INIP: variants seen among roughly 807,000 people sequenced by gnomAD.
INIP encodes the protein INTS3 and NABP interacting protein.
INIP carries 9 observed loss-of-function variants against 14.0 expected under a neutral mutation model. That is an observed-to-expected ratio of 0.64 (90% CI 0.39 to 1.12). The LOEUF is 1.12. INIP is among the 50% of genes most tolerant of loss of function. INIP has a pLI of 0.01. For synonymous variants in INIP, 37 were observed against 41.5 expected (o/e 0.89, Z 0.41); for missense variants, 78 against 122.7 (o/e 0.64, Z 1.72).
Position 112,686,520 on chromosome 9 carries a change from A to G in INIP, c.*1018T>C, listed in dbSNP as rs966071365. The G allele has an allele frequency of 6.6e-6, 1 of 152,126 alleles. No individual in the cohort carries two copies. Among genetic ancestry groups the G allele is most frequent in the Non-Finnish European group, 1.5e-5 (1 of 68,042 alleles). 9.4% of individuals were successfully genotyped at this position (152,126 alleles called of 1,614,324 possible). On this transcript the variant is annotated 3_prime_UTR_variant, in exon 5 of 5. Coordinates refer to ENST00000374242, the MANE Select transcript of INIP (RefSeq NM_021218.3). ...TTTTCTTTTTCTTTTTTTCTTTGAG[A>G]CAAAGACTCACTGTCACCCAGGCTG...
At chr9:112,698,090 G>A (rs1838155421) in intron 2 of INIP, among the ~76,000 whole-genome samples, 1 of 151,904 alleles carries the variant, frequency 6.6e-6, no homozygotes, top group African/African-American at 2.4e-5. Flanking sequence ...GGCTCATGAG[G>A]TCAGGAGATT....
In INIP at chr9:112,686,599, C is replaced by T. The variant is rs786967; in HGVS notation, c.*939G>A. 0.12 allele frequency: 17,666 copies of T among 152,318 alleles called. 1,466 individuals are homozygous for T. The highest frequency in any genetic ancestry group is 0.22 in the African/African-American group (9,216 of 41,496). 9.4% of individuals were successfully genotyped at this position (152,318 alleles called of 1,614,324 possible). A position where few individuals can be genotyped will look rare whatever the true frequency, so the allele number is the denominator to read the frequency against. ...GCAACCCCTGCCTCCCAGGTTCAAG[C>T]GATTCTCCTGCCTCAGCCTCCTGAG... On this transcript the variant is annotated 3_prime_UTR_variant, in exon 5 of 5. Coordinates refer to ENST00000374242, the MANE Select transcript of INIP (RefSeq NM_021218.3).
At chr9:112,716,391 T>G in intron 2 of INIP, 70 bp downstream of exon 2, 1 of 1,445,814 alleles carries the variant, frequency 6.9e-7, no homozygotes, top group Non-Finnish European at 9.7e-7. Context: ...TATGCTAAAT[T>G]TTCTCTTATT....
At chr9:112,700,446 A>G (rs1838249662) in intron 2 of INIP, among the ~76,000 whole-genome samples, 1 of 151,018 alleles carries the variant, frequency 6.6e-6, no homozygotes, top group South Asian at 2.1e-4. Flanking sequence ...TTCAACCACT[A>G]CCCAAGCAAC....
intron 1 of INIP, among the ~76,000 whole-genome samples, chr9:112,717,159 T>C (rs185987407): frequency 3.3e-5 from 5 of 152,292 alleles, no homozygotes; most frequent in Admixed American, 3.3e-4. Context: ...AACCAATTGA[T>C]AGAGTCAATA....
chr9:112,701,982 T>G (rs1362658261), intron 2 of INIP: 1 of 152,120 alleles, frequency 6.6e-6, no homozygotes, highest in Admixed American at 6.6e-5. Flanking sequence ...ATTGCTTGAA[T>G]CTAGGAGTTC....
intron 2 of INIP, among the ~76,000 whole-genome samples, chr9:112,701,624 C>T (rs1047491207): frequency 6.6e-6 from 1 of 152,270 alleles, no homozygotes; most frequent in East Asian, 1.9e-4. Flanking sequence ...AATTGGCACT[C>T]TCCCATTTGT....
intron 2 of INIP, among the ~76,000 whole-genome samples, chr9:112,699,360 T>A (rs1032725959): frequency 2.0e-5 from 3 of 152,110 alleles, no homozygotes; most frequent in Non-Finnish European, 4.4e-5. Context: ...TCTTTAGTAG[T>A]AATCAGAATT....
chr9:112,693,541 G>C (rs1375581433), intron 3 of INIP, among the ~76,000 whole-genome samples: 1 of 152,192 alleles, frequency 6.6e-6, no homozygotes, highest in East Asian at 1.9e-4. Flanking sequence ...ATGATTTTGA[G>C]TTATAAGGTT....
At chr9:112,711,048 C>T (rs1008771925) in intron 2 of INIP, among the ~76,000 whole-genome samples, 1 of 151,446 alleles carries the variant, frequency 6.6e-6, no homozygotes, top group Non-Finnish European at 1.5e-5. Flanking sequence ...ATTAGCCAGG[C>T]GTGGTAGCAT....
At chr9:112,705,110 CA>C (rs1194911436) in intron 2 of INIP, among the ~76,000 whole-genome samples, 10,312 of 46,122 alleles carry the variant, frequency 0.22, 188 homozygotes, top group Non-Finnish European at 0.27. Context: ...GACCCTGTCT[CA>C]AAAAAAAAAA....
At chr9:112,695,779 AG>A (rs1226265025) in intron 2 of INIP, among the ~76,000 whole-genome samples, 42 of 82,716 alleles carry the variant, frequency 5.1e-4, no homozygotes, top group African/African-American at 1.4e-3. Context: ...GGAGAGGAGG[AG>A]GGGGAGGGGG....
intron 2 of INIP, 39 bp downstream of exon 2, chr9:112,716,422 G>T: frequency 6.4e-7 from 1 of 1,569,068 alleles, no homozygotes; most frequent in Non-Finnish European, 8.8e-7. Context: ...TACTATATTG[G>T]GGAAATGTTC....
rs1159449049 is a variant in INIP at position 112,689,562 on chromosome 9, G to C, written c.184C>G (p.Gln62Glu). Residue 62 changes from glutamine to glutamate, a missense_variant, in exon 4 of 5, where the codon CAG becomes GAG. Transcript: ENST00000374242. ...GCCTTCTGTTGGGCTGCAATATGCT[G>C]CTGCTCAGCGTGATCCCGGAAGTCC... The part of the protein sequence containing the change: ...NKDFRDHAEQ[Q>E]HIAAQQKAAL... 1 of 1,614,188 alleles carries C rather than the reference G, an allele frequency of 6.2e-7. No homozygotes were observed. Among genetic ancestry groups the C allele is most frequent in the South Asian group, 1.1e-5 (1 of 91,072 alleles).
chr9:112,687,701 A>T (rs759016094), intron 4 of INIP, 68 bp from the exon 5 acceptor site: 2 of 869,666 alleles, frequency 2.3e-6, no homozygotes, highest in Non-Finnish European at 3.5e-6. Context: ...CGACCAAGGC[A>T]TTAAAATTAC....
intron 2 of INIP, among the ~76,000 whole-genome samples, chr9:112,696,706 A>C (rs1838110311): frequency 6.6e-6 from 1 of 151,530 alleles, no homozygotes; most frequent in Non-Finnish European, 1.5e-5. Flanking sequence ...CCCATGACTC[A>C]CTCCTTGGAT....
chr9:112,689,573 T>C lies in INIP; in HGVS notation c.173A>G (p.His58Arg). 1 of 1,614,218 alleles carries C rather than the reference T, an allele frequency of 6.2e-7. No homozygotes were observed. The highest frequency in any genetic ancestry group is 1.1e-5 in the South Asian group (1 of 91,080). Residue 58 changes from histidine (H) to arginine (R), a missense_variant, in exon 4 of 5, where the codon CAC (histidine) becomes CGC (arginine). Physicochemically the swap from His to Arg is conservative, Grantham distance 29 (BLOSUM62 0). Coordinates refer to ENST00000374242, the MANE Select transcript of INIP (RefSeq NM_021218.3). ...GGCTGCAATATGCTGCTGCTCAGCG[T>C]GATCCCGGAAGTCCTTATTAAGAGA... ...RPSLNKDFRD[H>R]AEQQHIAAQQ...
chr9:112,703,684 C>A (rs966605925), intron 2 of INIP, among the ~76,000 whole-genome samples: 1 of 152,130 alleles, frequency 6.6e-6, no homozygotes, highest in African/African-American at 2.4e-5. Context: ...CTCAAGTAAT[C>A]CTTCCACCTC....
At chr9:112,716,058 T>C (rs1337365245) in intron 2 of INIP, among the ~76,000 whole-genome samples, 1 of 152,172 alleles carries the variant, frequency 6.6e-6, no homozygotes, top group Non-Finnish European at 1.5e-5. Flanking sequence ...AGTTTTACTT[T>C]GATGTTCTTC....
Sources: gnomAD v4.1 joint callset for allele counts (sites outside exome capture counted in the v4.1 genomes callset) on GRCh38, gnomAD v4.1.1 for gene constraint, MANE v1.5 for transcripts, NCBI Gene and HGNC (gene_info 2026-07-23, HGNC 2026-07-21) for gene names.